The following ITCH variants were observed in gnomAD, a reference collection of about 807,000 sequenced individuals.
The protein encoded by ITCH is itchy E3 ubiquitin protein ligase, also known as E3 ubiquitin-protein ligase Itchy homolog.
In ITCH, 28 loss-of-function variants were observed where a neutral mutation model predicts 126.8. That is an observed-to-expected ratio of 0.22 (90% CI 0.16 to 0.30). ITCH has a LOEUF of 0.30. ITCH is among the 10% of genes least tolerant of loss of function. The pLI is 1.00. For missense variants in ITCH, 631 were observed against 1,032.4 expected (o/e 0.61, Z 5.33); for synonymous variants, 342 against 340.0 (o/e 1.01, Z -0.06).
intron 1 of ITCH, 150 bp downstream of exon 1, chr20:34,363,499 T>C: frequency 6.5e-6 from 1 of 153,044 alleles, no homozygotes; most frequent in Non-Finnish European, 1.5e-5. Context: ...CCGGTGTCTG[T>C]CGGGGGCGCG....
intron 23 of ITCH, among the ~76,000 whole-genome samples, chr20:34,503,844 G>T (rs1413285270): frequency 8.5e-6 from 1 of 117,708 alleles, no homozygotes; most frequent in Non-Finnish European, 1.8e-5. Context: ...TTGCTTTTGG[G>T]TTTTTTGGGT....
In ITCH at chr20:34,448,086, T is replaced by C. The variant is rs554630655; in HGVS notation, c.1141-1325T>C. Among the ~76,000 whole-genome samples, 45 of 152,282 alleles carry C rather than the reference T, an allele frequency of 3.0e-4. No homozygotes were observed. In the South Asian group the frequency reaches 9.1e-3, roughly 31 times the overall value. ...TCTTTACCACATGTCATAATGACAT[T>C]GTGATTATGTAAGAAAATGTCAGCC... On this transcript the variant is annotated intron_variant, in intron 11 of 24. Transcript: ENST00000374864.
chr20:34,436,851 A>C (rs1340779334), intron 7 of ITCH, among the ~76,000 whole-genome samples: 2 of 152,182 alleles, frequency 1.3e-5, no homozygotes, highest in African/African-American at 2.4e-5. Context: ...GAGGACTGGT[A>C]CGCAGTGGCT....
intron 10 of ITCH, 134 bp downstream of exon 10, chr20:34,442,437 A>G: frequency 1.0e-5 from 7 of 692,478 alleles, no homozygotes; most frequent in Non-Finnish European, 1.7e-5. Context: ...TGTGGTAAGT[A>G]CAAATTAAAA....
At chr20:34,403,934 A>G (rs1432854887) in intron 3 of ITCH, among the ~76,000 whole-genome samples, 1 of 152,202 alleles carries the variant, frequency 6.6e-6, no homozygotes, top group Non-Finnish European at 1.5e-5. Flanking sequence ...TTGTTTTAGT[A>G]GGAGGCTGGA....
intron 3 of ITCH, among the ~76,000 whole-genome samples, chr20:34,394,564 G>A (rs1251035612): frequency 1.3e-5 from 2 of 152,138 alleles, no homozygotes. Flanking sequence ...GCAGTTTTTT[G>A]TAGAGATGGG....
chr20:34,382,728 CTATTAT>C lies in ITCH; in HGVS notation c.-21-11037_-21-11032del, dbSNP rs374784508. ...CAGCCAATAATTCTTTTTATTATTACTATTATTATTATTATTATTATTATTATTATT... is the reference window on the plus strand; with the variant it reads ...CAGCCAATAATTCTTTTTATTATTACTATTATTATTATTATTATTATTATT... On this transcript the variant is annotated intron_variant, in intron 2 of 24. Coordinates refer to ENST00000374864, the MANE Select transcript of ITCH (RefSeq NM_031483.7). Among the ~76,000 whole-genome samples, 1,252 of 139,918 alleles carry C rather than the reference CTATTAT, an allele frequency of 8.9e-3. 18 individuals carry two copies. The highest frequency in any genetic ancestry group is 0.028 in the African/African-American group (1,072 of 37,738). The allele number at this position is 139,918 out of a possible 152,430, so 91.8% of individuals were successfully genotyped here.
chr20:34,440,295 T>C lies in ITCH; in HGVS notation c.820T>C (p.Ser274Pro). 6.2e-7 allele frequency: 1 copy of C among 1,614,164 alleles called. No homozygotes were observed. The highest frequency in any genetic ancestry group is 1.1e-5 in the South Asian group (1 of 91,086). ...AATTCCTCTTACTATATCTGGAGGC[T>C]CAGGCCCTAGGCCATTAAATCCTGT... ...LIIPLTISGGSGPRPLNPVTQ... is the reference protein window; with the variant it reads ...LIIPLTISGGPGPRPLNPVTQ... Residue 274 changes from serine to proline, a missense_variant, in exon 9 of 25, where the codon TCA becomes CCA. Around this residue, in one of 4 missense-constraint regions of ITCH, gnomAD observed 390 missense variants for 731.6 expected, o/e 0.53. Coordinates refer to ENST00000374864, the MANE Select transcript of ITCH (RefSeq NM_031483.7).
intron 24 of ITCH, among the ~76,000 whole-genome samples, chr20:34,507,279 TTTTTTTTTTTG>T (rs1478336360): frequency 1.4e-4 from 13 of 89,700 alleles, no homozygotes; most frequent in East Asian, 1.1e-3. Flanking sequence ...TTTTTTTTTT[TTTTTTTTTTTG>T]GTTGTTGTTG....
In ITCH at chr20:34,380,753, G is replaced by A. The variant is rs539978821; in HGVS notation, c.-22+11283G>A. Among the ~76,000 whole-genome samples, 27 of 151,626 alleles carry A rather than the reference G, an allele frequency of 1.8e-4. No homozygotes were observed. In the South Asian group the frequency reaches 5.4e-3, roughly 30 times the overall value. ...GGCATGAGCCACCGGCCCTGCCCAA[G>A]AAGTTGAGTGCAATCAAAATTAGAA... On this transcript the variant is annotated intron_variant, in intron 2 of 24. Coordinates refer to ENST00000374864, the MANE Select transcript of ITCH (RefSeq NM_031483.7).
rs973203682 is a variant in ITCH, at chr20:34,445,140, A to G, written c.966-147A>G. 15 of 913,842 alleles carry G rather than the reference A, an allele frequency of 1.6e-5. No individual in the cohort carries two copies. In the Admixed American group the frequency reaches 3.4e-4, roughly 21 times the overall value. The allele number at this position is 913,842 out of a possible 1,614,324, so 56.6% of individuals were successfully genotyped here. ...TTTCAAGAAATAAATTTTTAGAAAC[A>G]TTTCTCTTAAGTTCACTTACAAACT... On this transcript the variant is annotated intron_variant, in intron 10 of 24. Transcript: ENST00000374864.
chr20:34,408,584 G>T (rs1056505700), intron 3 of ITCH, 67 bp from the exon 4 acceptor site: 3 of 1,435,518 alleles, frequency 2.1e-6, no homozygotes, highest in Non-Finnish European at 2.9e-6. Context: ...TAATTATGAA[G>T]TTAAATTGAT....
At chr20:34,457,506 C>G in intron 13 of ITCH, 32 bp downstream of exon 13, 1 of 1,372,224 alleles carries the variant, frequency 7.3e-7, no homozygotes, top group Non-Finnish European at 1.0e-6. Context: ...TATTTAATCT[C>G]TTAAAGATTA....
chr20:34,390,594 C>T (rs986238634), intron 2 of ITCH, among the ~76,000 whole-genome samples: 3 of 151,210 alleles, frequency 2.0e-5, no homozygotes, highest in African/African-American at 4.9e-5. Context: ...GGATTACAAG[C>T]GTGTACCACC....
chr20:34,440,243 A>G lies in ITCH; in HGVS notation c.768A>G (p.Thr256=), dbSNP rs771664380. 10 of 1,613,560 alleles carry G rather than the reference A, an allele frequency of 6.2e-6. No individual in the cohort carries two copies. In the South Asian group the frequency reaches 6.6e-5, roughly 11 times the overall value. Residue 256 remains threonine (T), a synonymous_variant, in exon 9 of 25, where the codon ACA becomes ACG. Transcript: ENST00000374864. ...CGCCGACAAATACAAATACAAATACATCTGAAGGAGCAACATCTGGATTAA... is the reference window on the plus strand; with the variant it reads ...CGCCGACAAATACAAATACAAATACGTCTGAAGGAGCAACATCTGGATTAA... The part of the protein sequence containing the change: ...SLPPTNTNTN[T]SEGATSGLII...
At chr20:34,472,407 G>A (rs1220563621) in intron 16 of ITCH, among the ~76,000 whole-genome samples, 1 of 147,172 alleles carries the variant, frequency 6.8e-6, no homozygotes, top group Non-Finnish European at 1.5e-5. Context: ...ACTTGAGTTA[G>A]TCTACTATTC....
At position 34,419,755 on chromosome 20, in the gene ITCH, C is replaced by T. The variant is rs142904637; in HGVS notation, c.476-4725C>T. Among the ~76,000 whole-genome samples the T allele has an allele frequency of 3.9e-5, 6 of 152,162 alleles. No individual in the cohort carries two copies. In the East Asian group the frequency reaches 1.2e-3, roughly 29 times the overall value. The stretch of plus-strand genomic sequence containing the variant: ...CTGCAAGCTCCGCCTTGCCGGTTCA[C>T]GCCATTCTCCTGCCTTAGCCTCCCG... On this transcript the variant is annotated intron_variant, in intron 6 of 24. Coordinates refer to ENST00000374864, the MANE Select transcript of ITCH (RefSeq NM_031483.7).
chr20:34,366,647 G>A (rs548476318), intron 1 of ITCH, among the ~76,000 whole-genome samples: 12 of 152,004 alleles, frequency 7.9e-5, no homozygotes, highest in South Asian at 2.1e-4. Flanking sequence ...CGGGTGAATC[G>A]CTTGAGCTCA....
chr20:34,419,677 C>T (rs1023426149), intron 6 of ITCH, among the ~76,000 whole-genome samples: 16 of 152,026 alleles, frequency 1.1e-4, no homozygotes, highest in Admixed American at 2.6e-4. Flanking sequence ...TTTTTTGAGA[C>T]GGAGTCTCAC....
Sources: gnomAD v4.1 joint callset for allele counts (sites outside exome capture counted in the v4.1 genomes callset) on GRCh38, gnomAD v4.1.1 for gene constraint, gnomAD v4.1.1 regional missense constraint, MANE v1.5 for transcripts, NCBI Gene and HGNC (gene_info 2026-07-23, HGNC 2026-07-21) for gene names.